Variants in DUS2 observed in about 807,000 individuals in gnomAD.
DUS2 encodes tRNA-dihydrouridine(20) synthase [NAD(P)+]-like.
A neutral mutation model predicts 71.3 loss-of-function variants in DUS2; 52 were observed. The observed-to-expected ratio is 0.73, with a 90% CI of 0.58 to 0.92. The LOEUF is 0.92. DUS2 is among the 40% of genes least tolerant of loss of function. DUS2 has a pLI of 0.00. For synonymous variants in DUS2, 204 were observed against 227.8 expected (o/e 0.90, Z 0.94); for missense variants, 558 against 622.6 (o/e 0.90, Z 1.10).
chr16:68,044,113 A>C (rs2033668666), intron 3 of DUS2, among the ~76,000 whole-genome samples: 2 of 152,132 alleles, frequency 1.3e-5, no homozygotes, highest in South Asian at 4.1e-4. Context: ...AATTGAGGAC[A>C]CAACACAGTC....
At chr16:68,071,988 T>C (rs972320915) in intron 12 of DUS2, among the ~76,000 whole-genome samples, 2 of 152,246 alleles carry the variant, frequency 1.3e-5, no homozygotes, top group African/African-American at 2.4e-5. Context: ...TGTGGGACTC[T>C]GATCAGCTGC....
intron 2 of DUS2, among the ~76,000 whole-genome samples, chr16:68,033,585 A>G (rs1197430019): frequency 6.6e-6 from 1 of 150,600 alleles, no homozygotes; most frequent in Non-Finnish European, 1.5e-5. Context: ...CCCAGGCCCA[A>G]GTGATCCTCC....
chr16:68,047,548 A>G (rs1300613830), intron 3 of DUS2, among the ~76,000 whole-genome samples: 6 of 146,610 alleles, frequency 4.1e-5, no homozygotes, highest in Non-Finnish European at 7.6e-5. Context: ...CAATGGCGCA[A>G]TCTCGGCTCA....
At position 68,048,755 on chromosome 16, in the gene DUS2, C is replaced by T. The variant is rs528400871; in HGVS notation, c.127-750C>T. ...TATGGGGGTTAGTACCAGGAGTAAG[C>T]ACCTCTTCTTTTCTTTTCTGGACCC... On this transcript the variant is annotated intron_variant, in intron 3 of 16. Coordinates refer to ENST00000565263, the MANE Select transcript of DUS2 (RefSeq NM_017803.5). Among the ~76,000 whole-genome samples, 8 of 152,118 alleles carry T rather than the reference C, an allele frequency of 5.3e-5. No homozygotes were observed. In the South Asian group the frequency reaches 1.7e-3, roughly 32 times the overall value.
chr16:68,027,952 G>A (rs919755239), intron 2 of DUS2, among the ~76,000 whole-genome samples: 2 of 152,180 alleles, frequency 1.3e-5, no homozygotes, highest in South Asian at 2.1e-4. Context: ...TAGCATGGGG[G>A]AGTTCTGAGG....
At chr16:68,033,840 C>A (rs934512127) in intron 2 of DUS2, among the ~76,000 whole-genome samples, 1 of 151,884 alleles carries the variant, frequency 6.6e-6, no homozygotes, top group African/African-American at 2.4e-5. Context: ...CCATATTGGC[C>A]AGGCTAGTCT....
chr16:68,058,420 G>T (rs1018068841), intron 7 of DUS2, among the ~76,000 whole-genome samples: 41 of 152,138 alleles, frequency 2.7e-4, no homozygotes, highest in African/African-American at 9.6e-4. Flanking sequence ...TAGAGACGGG[G>T]TTTTGCCATG....
chr16:68,025,229 G>A (rs945037800), intron 1 of DUS2, among the ~76,000 whole-genome samples, 186 bp from the exon 2 acceptor site: 21 of 152,040 alleles, frequency 1.4e-4, no homozygotes, highest in Non-Finnish European at 2.8e-4. Context: ...CCAGCTACTC[G>A]GGAGGCTGAG....
chr16:68,024,478 A>G (rs2033313627), intron 1 of DUS2, among the ~76,000 whole-genome samples: 1 of 152,160 alleles, frequency 6.6e-6, no homozygotes, highest in South Asian at 2.1e-4. Context: ...AGATAAGGTA[A>G]ATATTTATGG....
chr16:68,071,158 C>G (rs1049118079), intron 12 of DUS2, 50 bp downstream of exon 12: 2 of 1,596,234 alleles, frequency 1.3e-6, no homozygotes, highest in Non-Finnish European at 1.7e-6. Flanking sequence ...GTCTACCACA[C>G]TCCTGCAGAG....
At chr16:68,071,392 C>T (rs1006989538) in intron 12 of DUS2, among the ~76,000 whole-genome samples, 4 of 152,146 alleles carry the variant, frequency 2.6e-5, no homozygotes, top group African/African-American at 4.8e-5. Context: ...GTTGGAACCC[C>T]GAACACATGA....
intron 4 of DUS2, 111 bp downstream of exon 4, chr16:68,049,661 T>A: frequency 2.0e-6 from 2 of 984,338 alleles, no homozygotes; most frequent in Non-Finnish European, 3.3e-6. Flanking sequence ...ATTGAGTAAT[T>A]CTATAGATCA....
intron 3 of DUS2, among the ~76,000 whole-genome samples, chr16:68,040,622 A>G (rs1024885855): frequency 2.0e-5 from 3 of 152,120 alleles, no homozygotes; most frequent in South Asian, 2.1e-4. Context: ...AGGGGTATCT[A>G]CCTAGGCAGA....
chr16:68,030,479 T>C (rs2033420924), intron 2 of DUS2, among the ~76,000 whole-genome samples: 1 of 151,966 alleles, frequency 6.6e-6, no homozygotes, highest in Non-Finnish European at 1.5e-5. Flanking sequence ...TTGTCCCAGC[T>C]AATCAGGAGG....
chr16:68,026,602 G>A (rs2033354135), intron 2 of DUS2, among the ~76,000 whole-genome samples: 1 of 152,076 alleles, frequency 6.6e-6, no homozygotes, highest in African/African-American at 2.4e-5. Context: ...AGCTAGGCCT[G>A]GTGTGGTGGC....
chr16:68,052,077 G>C (rs1358780534), intron 4 of DUS2, among the ~76,000 whole-genome samples: 2 of 149,334 alleles, frequency 1.3e-5, no homozygotes, highest in African/African-American at 4.9e-5. Context: ...TTTTTTTTTT[G>C]TATTTTAGTA....
At position 68,054,507 on chromosome 16, in the gene DUS2, G is replaced by A. The variant is rs2033823487; in HGVS notation, c.265-67G>A. The A allele has an allele frequency of 5.2e-6, 8 of 1,544,864 alleles. No individual in the cohort carries two copies. The African/African-American group carries it at 6.8e-5, about 13-fold the overall frequency. ...TGTGTGTGTATGTGTGTGCTGCATG[G>A]GTGTGTTTGTCAGTGCATGTGTATC... is the stretch of plus-strand genomic sequence containing the variant. On this transcript the variant is annotated intron_variant, in intron 5 of 16. Coordinates refer to ENST00000565263, the MANE Select transcript of DUS2 (RefSeq NM_017803.5).
intron 14 of DUS2, among the ~76,000 whole-genome samples, 196 bp downstream of exon 14, chr16:68,075,700 C>A (rs1432055174): frequency 6.6e-6 from 1 of 152,084 alleles, no homozygotes; most frequent in Non-Finnish European, 1.5e-5. Flanking sequence ...AAGGCTGTCC[C>A]AAGGATAACT....
intron 6 of DUS2, among the ~76,000 whole-genome samples, chr16:68,054,939 AGGCT>A (rs2033830966): frequency 2.0e-5 from 3 of 152,086 alleles, no homozygotes; most frequent in Admixed American, 2.0e-4. Context: ...GCTACTCAGG[AGGCT>A]GAGGCAGAAG....
Sources: allele counts gnomAD v4.1 joint callset (sites outside exome capture counted in the v4.1 genomes callset), GRCh38; gene constraint gnomAD v4.1.1; transcripts MANE v1.5; gene names NCBI Gene and HGNC (gene_info 2026-07-23, HGNC 2026-07-21).